Variants in ADAMTSL1 observed in about 807,000 individuals in gnomAD.
The protein encoded by ADAMTSL1 is ADAMTS like 1, also known as ADAMTS-like protein 1.
A neutral mutation model predicts 201.8 loss-of-function variants in ADAMTSL1; 126 were observed. The ratio of observed to expected loss-of-function variants is 0.62; its 90% CI spans 0.54 to 0.72. ADAMTSL1 has a LOEUF of 0.72. Ranked by LOEUF, ADAMTSL1 falls within the 30% of genes least tolerant of loss-of-function variation. The pLI is 0.00. For synonymous variants in ADAMTSL1, 1,121 were observed against 903.4 expected, an observed-to-expected ratio of 1.24 and a Z score of -4.32; for missense variants, 2,679 against 2,277.8, an observed-to-expected ratio of 1.18 and a Z score of -3.59.
chr9:18,891,873 C>T (rs914360372), intron 25 of ADAMTSL1, among the ~76,000 whole-genome samples: 1 of 152,216 alleles, frequency 6.6e-6, no homozygotes, highest in Non-Finnish European at 1.5e-5. Flanking sequence ...ACCAACACTG[C>T]AGTTACAAAA....
intron 2 of ADAMTSL1, among the ~76,000 whole-genome samples, chr9:18,184,810 G>A (rs184985475): frequency 1.6e-4 from 25 of 152,296 alleles, no homozygotes; most frequent in Admixed American, 7.8e-4. Context: ...TAAAAATCAC[G>A]TATTAAATAC....
At chr9:18,400,826 G>A (rs773961737) in intron 2 of ADAMTSL1, among the ~76,000 whole-genome samples, 4 of 152,078 alleles carry the variant, frequency 2.6e-5, no homozygotes, top group South Asian at 2.1e-4. Flanking sequence ...CCTGTGCTTC[G>A]TGCCATGACA....
rs1157678411 is a variant in ADAMTSL1, at chr9:18,742,848, G to T, written c.2007-10450G>T. On this transcript the variant is annotated intron_variant, in intron 15 of 28. Transcript: ENST00000380548. ...AAACTGCAATAAAACCCAAAATATG[G>T]TATTAGAGAAGAAACACAACAATAG... is the stretch of plus-strand genomic sequence containing the variant. Among the ~76,000 whole-genome samples, 3 of 152,136 alleles carry T rather than the reference G, an allele frequency of 2.0e-5. No homozygotes were observed. The South Asian group carries it at 6.2e-4, about 32-fold the overall frequency.
intron 14 of ADAMTSL1, chr9:18,718,409 A>G (rs1014380478): frequency 3.4e-5 from 23 of 681,696 alleles, no homozygotes; most frequent in African/African-American, 1.9e-4. Flanking sequence ...CTTGCTTTCT[A>G]TAAGAATCTT....
chr9:17,999,423 A>G (rs984976162), intron 1 of ADAMTSL1, among the ~76,000 whole-genome samples: 17 of 151,918 alleles, frequency 1.1e-4, no homozygotes, highest in African/African-American at 4.1e-4. Flanking sequence ...TCAAAGAGTA[A>G]TTTTCCTAGT....
chr9:18,832,594 A>C (rs1016263794), intron 23 of ADAMTSL1, among the ~76,000 whole-genome samples: 2 of 152,352 alleles, frequency 1.3e-5, no homozygotes, highest in African/African-American at 2.4e-5. Context: ...TTCTAGACCA[A>C]GGTGGAAATA....
chr9:18,621,556 C>CACA (rs1053642274), intron 4 of ADAMTSL1, among the ~76,000 whole-genome samples: 41 of 143,728 alleles, frequency 2.9e-4, no homozygotes, highest in African/African-American at 8.9e-4. Flanking sequence ...CCGTCCTCTT[C>CACA]CACACACACA....
chr9:17,959,293 T>G (rs1817628346), intron 1 of ADAMTSL1, among the ~76,000 whole-genome samples: 1 of 152,164 alleles, frequency 6.6e-6, no homozygotes, highest in Non-Finnish European at 1.5e-5. Flanking sequence ...TTTTCTCGTC[T>G]TCTTTTGCAT....
At chr9:18,517,733 A>G (rs1818449857) in intron 2 of ADAMTSL1, among the ~76,000 whole-genome samples, 1 of 152,052 alleles carries the variant, frequency 6.6e-6, no homozygotes, top group Non-Finnish European at 1.5e-5. Flanking sequence ...CCATGTCCCT[A>G]TCATTTTTTA....
intron 2 of ADAMTSL1, among the ~76,000 whole-genome samples, chr9:18,204,018 A>G (rs147842089): frequency 1.3e-5 from 2 of 152,192 alleles, no homozygotes; most frequent in Non-Finnish European, 2.9e-5. Context: ...GAAGTCTGTC[A>G]TCTTGAGCAG....
At chr9:18,817,059 A>C in intron 20 of ADAMTSL1, 50 bp from the exon 21 acceptor site, 1 of 1,595,348 alleles carries the variant, frequency 6.3e-7, no homozygotes, top group East Asian at 2.2e-5. Context: ...GAGTGCCCCA[A>C]TTTCCACAGT....
chr9:18,714,148 A>T lies in ADAMTSL1; in HGVS notation c.1876+7100A>T, dbSNP rs541663736. 1.7e-3 allele frequency among the ~76,000 whole-genome samples: 254 copies of T among 152,314 alleles called. 2 individuals are homozygous for T. The highest frequency in any genetic ancestry group is 5.4e-3 in the African/African-American group (224 of 41,564). ...ACTAAATGCCCACAAGAGAAAGCAC[A>T]AAAGATCCAAAATTGACACCCTAAC... On this transcript the variant is annotated intron_variant, in intron 14 of 28. Coordinates refer to ENST00000380548, the MANE Select transcript of ADAMTSL1 (RefSeq NM_001040272.6).
intron 2 of ADAMTSL1, among the ~76,000 whole-genome samples, chr9:18,365,401 T>C (rs1435805002): frequency 2.0e-5 from 3 of 152,036 alleles, no homozygotes; most frequent in Non-Finnish European, 4.4e-5. Context: ...TGTAAAAAAA[T>C]CAACAAAGCA....
Position 17,918,338 on chromosome 9 carries a change from A to G in ADAMTSL1, c.87+11416A>G, listed in dbSNP as rs565969907. 4.7e-4 allele frequency among the ~76,000 whole-genome samples: 71 copies of G among 150,150 alleles called. 1 individual carries two copies. The South Asian group carries it at 0.014, about 30-fold the overall frequency. On this transcript the variant is annotated intron_variant, in intron 1 of 29. Coordinates refer to the ADAMTSL1 transcript ENST00000680146. Reference sequence around the variant, plus strand: ...AGGCATATCATAAATTTCTATATGTATTTTTTTTTCAGTTCATAGTACTTT... The same window carrying G: ...AGGCATATCATAAATTTCTATATGTGTTTTTTTTTCAGTTCATAGTACTTT...
rs544995591 is a variant in ADAMTSL1, at chr9:18,630,628, A to T, written c.602-5315A>T. 2.0e-5 allele frequency among the ~76,000 whole-genome samples: 3 copies of T among 148,832 alleles called. No individual in the cohort carries two copies. The South Asian group carries it at 6.4e-4, about 32-fold the overall frequency. Reference sequence around the variant, plus strand: ...GTAAGCTGGGGCAATGTTGGGCCTTATCTGATGTGTTTCCTGAGTATACAG... The same window carrying T: ...GTAAGCTGGGGCAATGTTGGGCCTTTTCTGATGTGTTTCCTGAGTATACAG... On this transcript the variant is annotated intron_variant, in intron 5 of 28. Transcript: ENST00000380548.
intron 2 of ADAMTSL1, among the ~76,000 whole-genome samples, chr9:18,451,930 G>C (rs896120970): frequency 1.3e-5 from 2 of 152,152 alleles, no homozygotes; most frequent in Admixed American, 6.5e-5. Flanking sequence ...TTTTCTTTGA[G>C]ACCGAGTTTC....
At chr9:18,485,243 C>T (rs1036654139) in intron 1 of ADAMTSL1, among the ~76,000 whole-genome samples, 4 of 151,990 alleles carry the variant, frequency 2.6e-5, no homozygotes, top group Non-Finnish European at 5.9e-5. Flanking sequence ...TTTACCAGTA[C>T]AAGAAATTAA....
intron 2 of ADAMTSL1, among the ~76,000 whole-genome samples, chr9:18,394,334 G>T (rs1375418449): frequency 6.6e-6 from 1 of 152,166 alleles, no homozygotes; most frequent in Non-Finnish European, 1.5e-5. Flanking sequence ...TCCAATAACA[G>T]AATCTGTCCA....
chr9:18,213,095 C>T (rs1944769), intron 2 of ADAMTSL1, among the ~76,000 whole-genome samples: 151,288 of 152,298 alleles, frequency 0.99, 75,150 homozygotes, highest in Middle Eastern at 1. Context: ...TTCTCATGAA[C>T]GCTCACACCA....
Sources: gnomAD v4.1 joint callset for allele counts (sites outside exome capture counted in the v4.1 genomes callset) on GRCh38, gnomAD v4.1.1 for gene constraint, MANE v1.5 for transcripts, NCBI Gene and HGNC (gene_info 2026-07-23, HGNC 2026-07-21) for gene names.